Variants in FAM131B observed in about 807,000 individuals in gnomAD.
The protein encoded by FAM131B is protein FAM131B.
In FAM131B, 19 loss-of-function variants were observed where a neutral mutation model predicts 42.0. That is an observed-to-expected ratio of 0.45 (90% CI 0.32 to 0.66). The LOEUF (loss-of-function observed/expected upper bound fraction) is 0.66. Ranked by LOEUF, FAM131B falls within the 30% of genes least tolerant of loss-of-function variation. FAM131B has a pLI of 0.05. For missense variants in FAM131B, 370 were observed against 468.4 expected, an observed-to-expected ratio of 0.79 and a Z score of 1.94; for synonymous variants, 183 against 177.6, an observed-to-expected ratio of 1.03 and a Z score of -0.24.
chr7:143,361,940 C>A, intron 1 of FAM131B: 1 of 582,324 alleles, frequency 1.7e-6, no homozygotes, highest in Non-Finnish European at 2.2e-6. Flanking sequence ...CCCCTTCCCT[C>A]CACCCGGCCC....
intron 1 of FAM131B, 199 bp from the exon 2 acceptor site, chr7:143,360,348 A>T: frequency 7.1e-7 from 1 of 1,418,094 alleles, no homozygotes; most frequent in Non-Finnish European, 9.2e-7. Flanking sequence ...AGAATAGTGC[A>T]CTCAGAAAAA....
chr7:143,375,355 C>T, the FAM131B span, among the ~76,000 whole-genome samples: 1 of 152,280 alleles, frequency 6.6e-6, no homozygotes, highest in Admixed American at 6.5e-5. Context: ...TAGCATCTCA[C>T]GCTTGGGTAC....
the FAM131B span, chr7:143,381,953 C>A: frequency 1.4e-6 from 1 of 705,462 alleles, no homozygotes; most frequent in Non-Finnish European, 2.3e-6. Flanking sequence ...AGCCAGGGCT[C>A]CTGGGACCGT....
rs935024282 is a variant in FAM131B at position 143,362,568 on chromosome 7, G to T, written c.28+8C>A. 1 of 1,220,262 alleles carries T rather than the reference G, an allele frequency of 8.2e-7. No individual in the cohort carries two copies. Among genetic ancestry groups the T allele is most frequent in the Non-Finnish European group, 1.0e-6 (1 of 979,690 alleles). The allele number at this position is 1,220,262 out of a possible 1,614,324, so 75.6% of individuals were successfully genotyped here. A position where few individuals can be genotyped will look rare whatever the true frequency, so the allele number is the denominator to read the frequency against. On this transcript the variant is annotated splice_region_variant and intron_variant, in intron 1 of 6. Transcript: ENST00000443739. This position sits in a 1 kb window ranked among gnomAD's most constrained non-coding sequence, Gnocchi z 7.7. ...CCAGCCCTGCCCCCGCCCGGCCGCG[G>T]TACCCACCCACAGTCCGGGAGCCGA...
At position 143,357,349 on chromosome 7, in the gene FAM131B, C is replaced by G. The variant is rs1803714544; in HGVS notation, c.541G>C (p.Val181Leu). ...CCCAATGGCTCCTGGGTGGAGTTCA[C>G]ACTCATGTCCTCACCATCCATGGAA... ...WSSMDGEDMS[V>L]NSTQEPLGCN... Residue 181 changes from valine (V) to leucine (L), a missense_variant, in exon 6 of 7, where the codon GTG becomes CTG. Val to Leu is a conservative substitution (Grantham distance 32). Coordinates refer to ENST00000443739, the MANE Select transcript of FAM131B (RefSeq NM_001031690.3). 1 of 1,614,098 alleles carries G rather than the reference C, an allele frequency of 6.2e-7. No individual in the cohort carries two copies. The highest frequency in any genetic ancestry group is 2.2e-5 in the East Asian group (1 of 44,882).
At position 143,359,991 on chromosome 7, in the gene FAM131B, G is replaced by T; in HGVS notation, c.138+49C>A. 7.2e-7 allele frequency: 1 copy of T among 1,385,872 alleles called. No homozygotes were observed. The highest frequency in any genetic ancestry group is 1.0e-6 in the Non-Finnish European group (1 of 977,182). 85.8% of individuals were successfully genotyped at this position (1,385,872 alleles called of 1,614,324 possible). On this transcript the variant is annotated intron_variant, in intron 2 of 6. Coordinates refer to ENST00000443739, the MANE Select transcript of FAM131B (RefSeq NM_001031690.3). The surrounding 1 kb of genome is among the most constrained non-coding windows in gnomAD (Gnocchi z 5.4). ...GTGTTTGGGTTGTTGCCTTGGAATT[G>T]AGGAAGTGCAGGCAGCCAGAGACTT...
chr7:143,358,432 C>T lies in FAM131B; in HGVS notation c.466+395G>A, dbSNP rs1027000838. ...CTAGTGGTTGTCACAAGTAATGAGT[C>T]TAGTAGGCAAATTCATGACTCGAAA... is the stretch of plus-strand genomic sequence containing the variant. On this transcript the variant is annotated intron_variant, in intron 5 of 6. Transcript: ENST00000443739. The surrounding 1 kb of genome is among the most constrained non-coding windows in gnomAD (Gnocchi z 4.7). Among the ~76,000 whole-genome samples, 1 of 152,190 alleles carries T rather than the reference C, an allele frequency of 6.6e-6. No homozygotes were observed. Among genetic ancestry groups the T allele is most frequent in the African/African-American group, 2.4e-5 (1 of 41,438 alleles).
In FAM131B at chr7:143,360,175, C is replaced by A. The variant is rs13244040; in HGVS notation, c.29-26G>T. On this transcript the variant is annotated intron_variant, in intron 1 of 6. Transcript: ENST00000443739. Reference sequence around the variant, plus strand: ...CTGAGGGGGCCAGAAGGTTAGCCGCCGGCCCTCACCTCCCTGTGCAGCCGA... The same window carrying A: ...CTGAGGGGGCCAGAAGGTTAGCCGCAGGCCCTCACCTCCCTGTGCAGCCGA... The A allele has an allele frequency of 6.1e-4, 956 of 1,579,516 alleles. 1 individual carries two copies. The highest frequency in any genetic ancestry group is 1.6e-3 in the South Asian group (138 of 87,022).
chr7:143,377,702 A>G, the FAM131B span, among the ~76,000 whole-genome samples: 1 of 152,088 alleles, frequency 6.6e-6, no homozygotes, highest in Non-Finnish European at 1.5e-5. Context: ...ATATATATAA[A>G]CAAACATACA....
chr7:143,380,978 G>A, the FAM131B span: 3 of 280,066 alleles, frequency 1.1e-5, no homozygotes, highest in Non-Finnish European at 1.6e-5. The surrounding 1 kb of genome is among the most constrained non-coding windows in gnomAD (Gnocchi z 5.0). Context: ...GCTAAGCCCG[G>A]AGGGGGACGG....
At chr7:143,367,832 A>G in the FAM131B span, among the ~76,000 whole-genome samples, 1 of 152,220 alleles carries the variant, frequency 6.6e-6, no homozygotes, top group Non-Finnish European at 1.5e-5. Context: ...CAACGTCCCC[A>G]AATCACGTTC....
the FAM131B span, among the ~76,000 whole-genome samples, chr7:143,374,852 T>C: frequency 6.6e-6 from 1 of 152,194 alleles, no homozygotes; most frequent in Non-Finnish European, 1.5e-5. Flanking sequence ...TGGGCTTCCC[T>C]CTCCTGAGCT....
chr7:143,381,274 C>G, the FAM131B span: 3 of 1,064,138 alleles, frequency 2.8e-6, no homozygotes. Flanking sequence ...CTCCCCGCCC[C>G]CTCTCTTCTC....
At chr7:143,381,080 C>A in the FAM131B span, 1 of 494,516 alleles carries the variant, frequency 2.0e-6, no homozygotes, top group Non-Finnish European at 2.6e-6. Context: ...GAGTGGGGGT[C>A]TGAGCCGGGC....
At chr7:143,372,385 G>A in the FAM131B span, among the ~76,000 whole-genome samples, 6 of 152,220 alleles carry the variant, frequency 3.9e-5, no homozygotes, top group East Asian at 3.8e-4. Context: ...TGGTATGGAC[G>A]TGAATGGCAA....
At chr7:143,382,238 C>T in the FAM131B span, 3 of 1,611,282 alleles carry the variant, frequency 1.9e-6, no homozygotes, top group Non-Finnish European at 2.5e-6. Context: ...CTTTCTCCTT[C>T]CTACCCCAGA....
chr7:143,372,952 C>T, the FAM131B span, among the ~76,000 whole-genome samples: 5 of 151,458 alleles, frequency 3.3e-5, no homozygotes, highest in African/African-American at 1.2e-4. Context: ...AAGAGTAAAA[C>T]TCCATGTCAA....
upstream of FAM131B, among the ~76,000 whole-genome samples, chr7:143,365,762 G>A (rs1321255101): frequency 1.3e-5 from 2 of 151,938 alleles, no homozygotes; most frequent in Admixed American, 6.6e-5. Context: ...CCCAACCCTC[G>A]GCTAATTTTT....
At position 143,356,801 on chromosome 7, in the gene FAM131B, G is replaced by T; in HGVS notation, c.832C>A (p.Pro278Thr). 1 of 1,614,166 alleles carries T rather than the reference G, an allele frequency of 6.2e-7. No homozygotes were observed. The highest frequency in any genetic ancestry group is 8.5e-7 in the Non-Finnish European group (1 of 1,180,044). Residue 278 changes from proline to threonine, a missense_variant, in exon 7 of 7, where the codon CCA becomes ACA. By Grantham distance (38) the Pro-to-Thr change is conservative. Transcript: ENST00000443739. The surrounding 1 kb of genome is among the most constrained non-coding windows in gnomAD (Gnocchi z 4.4). The stretch of plus-strand genomic sequence containing the variant: ...TCAGTGTCTCCCCCCAGCAAAGGTG[G>T]AGGCTCCAGAGCAGAGTATCCTGAA... ...PASGYSALEPPPLLGGDTDWA... is the reference protein window; with the variant it reads ...PASGYSALEPTPLLGGDTDWA...
Sources: gnomAD v4.1 joint callset for allele counts (sites outside exome capture counted in the v4.1 genomes callset) on GRCh38, gnomAD v4.1.1 for gene constraint, Gnocchi (gnomAD v3.1) non-coding constraint, MANE v1.5 for transcripts, NCBI Gene and HGNC (gene_info 2026-07-23, HGNC 2026-07-21) for gene names.